PPP3CA: variants seen among roughly 807,000 people sequenced by gnomAD.
PPP3CA encodes the protein protein phosphatase 3 catalytic subunit alpha.
Under a neutral mutation model 66.5 loss-of-function variants are expected in PPP3CA, and 14 were observed. The observed-to-expected ratio is 0.21, with a 90% CI of 0.14 to 0.33. The LOEUF is 0.33. Among genes scored for constraint, PPP3CA ranks in the 10% least tolerant of loss-of-function variants. The pLI is 1.00. For synonymous variants in PPP3CA, 232 were observed against 226.2 expected, an observed-to-expected ratio of 1.03 and a Z score of -0.23; for missense variants, 317 against 639.5, an observed-to-expected ratio of 0.50 and a Z score of 5.44.
At chr4:101,274,699 A>G (rs954936454) in intron 1 of PPP3CA, among the ~76,000 whole-genome samples, 1 of 152,198 alleles carries the variant, frequency 6.6e-6, no homozygotes, top group Non-Finnish European at 1.5e-5. Flanking sequence ...TAGGGAAAAA[A>G]TACATGTTGT....
chr4:101,113,459 T>C (rs1185986726), intron 2 of PPP3CA, among the ~76,000 whole-genome samples: 1 of 152,148 alleles, frequency 6.6e-6, no homozygotes, highest in Non-Finnish European at 1.5e-5. Context: ...CATTCTAGGT[T>C]GCTGTGAGAT....
At position 101,129,011 on chromosome 4, in the gene PPP3CA, T is replaced by C. The variant is rs188331410; in HGVS notation, c.260-19933A>G. The stretch of plus-strand genomic sequence containing the variant: ...ATGATACACTGACTGGAAATTCTTG[T>C]TGCCAGGACAGCAGTCTGAAGTTGA... On this transcript the variant is annotated intron_variant, in intron 2 of 13. Transcript: ENST00000394854. Among the ~76,000 whole-genome samples, 197 of 152,242 alleles carry C rather than the reference T, an allele frequency of 1.3e-3. 2 individuals are homozygous for C. In the South Asian group the frequency reaches 0.034, roughly 26 times the overall value.
At chr4:101,321,926 A>C (rs1235881131) in intron 1 of PPP3CA, among the ~76,000 whole-genome samples, 2 of 152,128 alleles carry the variant, frequency 1.3e-5, no homozygotes, top group Non-Finnish European at 2.9e-5. Context: ...CACTGCAAAG[A>C]CCATTTATAG....
chr4:101,320,685 A>T lies in PPP3CA; in HGVS notation c.58+26054T>A, dbSNP rs559929853. 2.2e-4 allele frequency among the ~76,000 whole-genome samples: 33 copies of T among 152,270 alleles called. No individual in the cohort carries two copies. The South Asian group carries it at 6.0e-3, about 28-fold the overall frequency. ...CAGCTATTCCTTCATTCCAAACTTG[A>T]GTTAAACAAGCAATGTTTCAATGTA... On this transcript the variant is annotated intron_variant, in intron 1 of 13. Transcript: ENST00000394854.
intron 1 of PPP3CA, among the ~76,000 whole-genome samples, chr4:101,316,241 G>A (rs367987236): frequency 2.0e-5 from 3 of 150,956 alleles, no homozygotes; most frequent in South Asian, 4.2e-4. Context: ...GAGGCAACTA[G>A]ATGAACTTGC....
intron 5 of PPP3CA, among the ~76,000 whole-genome samples, chr4:101,095,521 A>T (rs1469448145): frequency 6.6e-6 from 1 of 152,232 alleles, no homozygotes; most frequent in African/African-American, 2.4e-5. Context: ...AATATCTAAA[A>T]TATCCTGGGA....
chr4:101,040,663 T>G (rs1348404422), intron 10 of PPP3CA, 97 bp from the exon 11 acceptor site: 2 of 934,994 alleles, frequency 2.1e-6, no homozygotes, highest in African/African-American at 1.7e-5. Flanking sequence ...GTAAGCAAAA[T>G]CAGTATTTTT....
At chr4:101,226,999 T>A (rs1197740903) in intron 1 of PPP3CA, among the ~76,000 whole-genome samples, 1 of 151,742 alleles carries the variant, frequency 6.6e-6, no homozygotes, top group Non-Finnish European at 1.5e-5. Context: ...TCTTTTGCAA[T>A]TAAACATGAT....
At chr4:101,141,572 T>A (rs1722808980) in intron 2 of PPP3CA, among the ~76,000 whole-genome samples, 1 of 152,184 alleles carries the variant, frequency 6.6e-6, no homozygotes, top group Admixed American at 6.5e-5. Flanking sequence ...CCCTTAAACA[T>A]GTCCTCTGCT....
At chr4:101,192,668 A>C (rs968308484) in intron 2 of PPP3CA, among the ~76,000 whole-genome samples, 1 of 152,108 alleles carries the variant, frequency 6.6e-6, no homozygotes, top group Admixed American at 6.6e-5. Context: ...ACATAGTACA[A>C]TTGTACTTAT....
intron 10 of PPP3CA, among the ~76,000 whole-genome samples, chr4:101,049,355 T>C (rs2178006): frequency 0.54 from 81,309 of 151,882 alleles, 22,399 homozygotes; most frequent in East Asian, 0.88. Context: ...TTGCTCCCCC[T>C]GCCTTTGTTT....
chr4:101,149,134 T>C (rs1723055309), intron 2 of PPP3CA, among the ~76,000 whole-genome samples: 1 of 152,148 alleles, frequency 6.6e-6, no homozygotes, highest in East Asian at 1.9e-4. Context: ...ACATGTAACA[T>C]AAACTGTTAA....
intron 2 of PPP3CA, among the ~76,000 whole-genome samples, chr4:101,143,116 G>C (rs962308772): frequency 3.3e-5 from 5 of 152,110 alleles, no homozygotes; most frequent in African/African-American, 1.2e-4. Flanking sequence ...AGAGAAAGTG[G>C]GCTGGGATCC....
intron 1 of PPP3CA, among the ~76,000 whole-genome samples, chr4:101,336,130 G>A (rs1729626119): frequency 6.6e-6 from 1 of 151,530 alleles, no homozygotes; most frequent in Admixed American, 6.6e-5. Flanking sequence ...TGGAAGAATG[G>A]CTTGAATCCA....
chr4:101,290,466 C>T (rs185720581), intron 1 of PPP3CA, among the ~76,000 whole-genome samples: 1 of 152,258 alleles, frequency 6.6e-6, no homozygotes. Flanking sequence ...ATAAATATTT[C>T]CTTGCTTAAA....
At chr4:101,031,820 ATGAAATCATCTCC>A (rs1172650267) in intron 12 of PPP3CA, among the ~76,000 whole-genome samples, 1 of 152,268 alleles carries the variant, frequency 6.6e-6, no homozygotes, top group African/African-American at 2.4e-5. Context: ...CAAGAGGATA[ATGAAATCATCTCC>A]TGAAAATCTA....
chr4:101,229,232 A>G (rs1240468907), intron 1 of PPP3CA, among the ~76,000 whole-genome samples: 1 of 96,992 alleles, frequency 1.0e-5, no homozygotes, highest in Non-Finnish European at 2.4e-5. Flanking sequence ...TTTATTCATT[A>G]TTTTACACTC....
intron 2 of PPP3CA, among the ~76,000 whole-genome samples, chr4:101,149,211 T>C (rs1427357070): frequency 1.3e-5 from 2 of 152,300 alleles, no homozygotes; most frequent in South Asian, 4.1e-4. Context: ...AAGCACCATC[T>C]TTCTTCACAT....
intron 1 of PPP3CA, among the ~76,000 whole-genome samples, chr4:101,297,645 A>AT (rs1728239148): frequency 6.6e-6 from 1 of 152,144 alleles, no homozygotes; most frequent in South Asian, 2.1e-4. Flanking sequence ...AGCTGCTGGC[A>AT]TTGGATTCTG....
Sources: allele counts gnomAD v4.1 joint callset (sites outside exome capture counted in the v4.1 genomes callset), GRCh38; gene constraint gnomAD v4.1.1; transcripts MANE v1.5; gene names NCBI Gene and HGNC (gene_info 2026-07-23, HGNC 2026-07-21).